IQGAP1: variants seen among roughly 807,000 people sequenced by gnomAD.
IQGAP1 encodes ras GTPase-activating-like protein IQGAP1.
A neutral mutation model predicts 215.6 loss-of-function variants in IQGAP1; 66 were observed. The ratio of observed to expected loss-of-function variants is 0.31; its 90% confidence interval spans 0.25 to 0.38. IQGAP1 has a LOEUF of 0.38. Among genes scored for constraint, IQGAP1 ranks in the 10% least tolerant of loss-of-function variants. The pLI is 1.00. For missense variants in IQGAP1, 1,712 were observed against 1,997.1 expected (o/e 0.86, Z 2.72); for synonymous variants, 772 against 728.7 (o/e 1.06, Z -0.96).
chr15:90,456,844 C>T (rs375522051), intron 15 of IQGAP1, among the ~76,000 whole-genome samples: 37 of 150,012 alleles, frequency 2.5e-4, no homozygotes, highest in African/African-American at 6.1e-4. Flanking sequence ...GCCGAGATTG[C>T]GCCACTGCAC....
chr15:90,484,799 A>G (rs997521902), intron 30 of IQGAP1, among the ~76,000 whole-genome samples: 3 of 152,134 alleles, frequency 2.0e-5, no homozygotes, highest in East Asian at 1.9e-4. Flanking sequence ...GTGAGCCACC[A>G]CGCCTGGCCT....
At chr15:90,480,298 G>A (rs1375723450) in intron 26 of IQGAP1, among the ~76,000 whole-genome samples, 3 of 151,870 alleles carry the variant, frequency 2.0e-5, no homozygotes, top group Non-Finnish European at 2.9e-5. Flanking sequence ...TGGTGGTGTG[G>A]TGGGGATCTG....
intron 23 of IQGAP1, chr15:90,474,994 C>CTTTTTTTTTTT (rs771704265): frequency 3.4e-5 from 4 of 117,658 alleles, no homozygotes; most frequent in Admixed American, 8.5e-5. Flanking sequence ...TGATTTTTGG[C>CTTTTTTTTTTT]TTTTTTTTTT....
At chr15:90,422,585 GA>G (rs1247375779) in intron 2 of IQGAP1, among the ~76,000 whole-genome samples, 9 of 139,136 alleles carry the variant, frequency 6.5e-5, no homozygotes, top group African/African-American at 2.4e-4. Flanking sequence ...AAACATTTCA[GA>G]AATGTTTAAT....
intron 4 of IQGAP1, among the ~76,000 whole-genome samples, chr15:90,430,271 T>C (rs541473170): frequency 1.3e-5 from 2 of 152,302 alleles, no homozygotes; most frequent in Non-Finnish European, 2.9e-5. Flanking sequence ...TGCCACACTG[T>C]ATGGTCACTC....
At chr15:90,414,000 G>A (rs963787876) in intron 2 of IQGAP1, among the ~76,000 whole-genome samples, 1 of 151,872 alleles carries the variant, frequency 6.6e-6, no homozygotes, top group African/African-American at 2.4e-5. Flanking sequence ...TGTATCTTTA[G>A]CCCCTCCTTC....
intron 2 of IQGAP1, among the ~76,000 whole-genome samples, chr15:90,421,047 G>GA (rs1431582697): frequency 6.6e-6 from 1 of 152,196 alleles, no homozygotes; most frequent in Non-Finnish European, 1.5e-5. Context: ...GGAGACGGGA[G>GA]AATTGCTTGA....
chr15:90,425,084 C>T (rs1993161), intron 2 of IQGAP1, among the ~76,000 whole-genome samples: 48,221 of 151,470 alleles, frequency 0.32, 8,366 homozygotes, highest in East Asian at 0.52. Flanking sequence ...CTGAGGTGGG[C>T]GGATCACTTG....
At chr15:90,495,041 G>T (rs1056513710) in intron 36 of IQGAP1, among the ~76,000 whole-genome samples, 3 of 152,092 alleles carry the variant, frequency 2.0e-5, no homozygotes, top group African/African-American at 7.2e-5. Flanking sequence ...TAGAACATTT[G>T]TCTCAGGTCA....
intron 2 of IQGAP1, among the ~76,000 whole-genome samples, chr15:90,417,078 T>C (rs1965063960): frequency 6.6e-6 from 1 of 152,232 alleles, no homozygotes; most frequent in Admixed American, 6.5e-5. Flanking sequence ...TTTAAATTTG[T>C]TTGAGTTCTT....
In IQGAP1 at chr15:90,477,974, T is replaced by C. The variant is rs1037285331; in HGVS notation, c.3329+85T>C. The C allele has an allele frequency of 1.4e-4, 117 of 851,726 alleles. 1 individual carries two copies. The highest frequency in any genetic ancestry group is 1.8e-4 in the Non-Finnish European group (97 of 532,006). The allele number at this position is 851,726 out of a possible 1,614,324, so 52.8% of individuals were successfully genotyped here. A position where few individuals can be genotyped will look rare whatever the true frequency, so the allele number is the denominator to read the frequency against. On this transcript the variant is annotated intron_variant, in intron 26 of 37. Coordinates refer to ENST00000268182, the MANE Select transcript of IQGAP1 (RefSeq NM_003870.4). ...CCCTCTCTTTATTTATAAACTAATA[T>C]TAGTTCAAATAGTTTTTCTTTTCTT...
intron 28 of IQGAP1, 72 bp downstream of exon 28, chr15:90,482,353 C>T (rs1300929349): frequency 5.7e-6 from 8 of 1,399,842 alleles, no homozygotes; most frequent in Non-Finnish European, 7.1e-6. Context: ...GACCATAGAT[C>T]ATTACTAACT....
At chr15:90,407,852 A>G (rs562136845) in intron 2 of IQGAP1, among the ~76,000 whole-genome samples, 28 of 152,336 alleles carry the variant, frequency 1.8e-4, no homozygotes, top group African/African-American at 5.8e-4. Context: ...GCGAAAGTAT[A>G]AAACAGTCCT....
chr15:90,417,265 G>C (rs1455333123), intron 2 of IQGAP1, among the ~76,000 whole-genome samples: 1 of 152,174 alleles, frequency 6.6e-6, no homozygotes, highest in Non-Finnish European at 1.5e-5. Flanking sequence ...TGGTGTTTCA[G>C]ACATGAAGTC....
Position 90,452,888 on chromosome 15 carries a change from G to A in IQGAP1, c.1276G>A (p.Ala426Thr), listed in dbSNP as rs545056140. ...GCTGCCCCAGGTGTATCCATTTGCC[G>A]CCGATCTCTATCAGAAGGAGCTGGC... ...AQLPQVYPFA[A>T]DLYQKELATL... is the part of the protein sequence containing the mutation. Residue 426 changes from alanine (A) to threonine (T), a missense_variant, in exon 12 of 38, where the codon GCC becomes ACC. Coordinates refer to ENST00000268182, the MANE Select transcript of IQGAP1 (RefSeq NM_003870.4). 2.2e-5 allele frequency: 36 copies of A among 1,614,052 alleles called. No homozygotes were observed. Among genetic ancestry groups the A allele is most frequent in the Admixed American group, 6.7e-5 (4 of 60,018 alleles).
intron 2 of IQGAP1, among the ~76,000 whole-genome samples, chr15:90,421,248 G>T (rs1965131334): frequency 6.6e-6 from 1 of 152,150 alleles, no homozygotes; most frequent in African/African-American, 2.4e-5. Flanking sequence ...GGCCGAGGCT[G>T]GTGGATCACC....
chr15:90,487,977 C>T (rs531087358), intron 33 of IQGAP1, among the ~76,000 whole-genome samples: 1 of 152,248 alleles, frequency 6.6e-6, no homozygotes, highest in East Asian at 1.9e-4. Context: ...AATCCCAGCA[C>T]TTTGGGAGGC....
At chr15:90,460,138 G>A (rs1195293315) in intron 15 of IQGAP1, among the ~76,000 whole-genome samples, 1 of 152,154 alleles carries the variant, frequency 6.6e-6, no homozygotes, top group Non-Finnish European at 1.5e-5. Context: ...AGAGTCCATA[G>A]AGTGAAGTGG....
At chr15:90,455,230 A>C (rs1197176528) in intron 14 of IQGAP1, among the ~76,000 whole-genome samples, 1 of 152,162 alleles carries the variant, frequency 6.6e-6, no homozygotes, top group Admixed American at 6.5e-5. Context: ...GGTTCGTTAC[A>C]TATGCGTGAT....
Sources: allele counts gnomAD v4.1 joint callset (sites outside exome capture counted in the v4.1 genomes callset), GRCh38; gene constraint gnomAD v4.1.1; transcripts MANE v1.5; gene names NCBI Gene and HGNC (gene_info 2026-07-23, HGNC 2026-07-21).